The following RAPGEF6 variants were observed in gnomAD, a reference collection of about 807,000 sequenced individuals.
RAPGEF6 encodes the protein PDZ domain containing guanine nucleotide exchange factor (GEF) 2.
In RAPGEF6, 56 loss-of-function variants were observed where a neutral mutation model predicts 171.4. The observed-to-expected ratio is 0.33, with a 90% confidence interval of 0.26 to 0.41. RAPGEF6 has a LOEUF of 0.41. Ranked by LOEUF, RAPGEF6 falls within the 10% of genes least tolerant of loss-of-function variation. RAPGEF6 has a pLI of 1.00. For synonymous variants in RAPGEF6, 692 were observed against 650.1 expected (o/e 1.06, Z -0.98); for missense variants, 1,674 against 1,921.4 (o/e 0.87, Z 2.41).
At chr5:131,520,274 T>G (rs1391435912) in intron 7 of RAPGEF6, among the ~76,000 whole-genome samples, 1 of 152,196 alleles carries the variant, frequency 6.6e-6, no homozygotes, top group Non-Finnish European at 1.5e-5. Flanking sequence ...TATGTGGTTA[T>G]TAGGCACTTA....
chr5:131,572,490 C>CT (rs1252912855), intron 4 of RAPGEF6, among the ~76,000 whole-genome samples: 8 of 152,170 alleles, frequency 5.3e-5, no homozygotes, highest in African/African-American at 1.9e-4. Flanking sequence ...GAAGACACAT[C>CT]TTCCCTTGGT....
chr5:131,570,391 T>C (rs1762205418), intron 4 of RAPGEF6, among the ~76,000 whole-genome samples: 1 of 152,148 alleles, frequency 6.6e-6, no homozygotes, highest in Non-Finnish European at 1.5e-5. Flanking sequence ...TTATAAACAA[T>C]TTGGTCTTTT....
intron 21 of RAPGEF6, 65 bp from the exon 22 acceptor site, chr5:131,446,768 G>C: frequency 2.8e-6 from 4 of 1,411,362 alleles, no homozygotes; most frequent in Non-Finnish European, 3.9e-6. Context: ...GCAGATTGAA[G>C]ATTAAAAGAT....
intron 20 of RAPGEF6, among the ~76,000 whole-genome samples, chr5:131,454,959 T>C (rs530765074): frequency 6.6e-6 from 1 of 152,192 alleles, no homozygotes; most frequent in Non-Finnish European, 1.5e-5. Context: ...TTGAAGAAGA[T>C]AGCTGCCAAC....
intron 6 of RAPGEF6, among the ~76,000 whole-genome samples, chr5:131,527,272 C>T (rs1758934071): frequency 6.6e-6 from 1 of 151,656 alleles, no homozygotes; most frequent in South Asian, 2.1e-4. Flanking sequence ...TAGGTCACAA[C>T]AGCAGGAAAA....
intron 4 of RAPGEF6, among the ~76,000 whole-genome samples, chr5:131,580,263 G>A (rs889114525): frequency 2.0e-5 from 3 of 152,186 alleles, no homozygotes; most frequent in African/African-American, 2.4e-5. Flanking sequence ...CTCCTCCACA[G>A]CTGCCGGCAC....
chr5:131,588,774 A>G (rs756664274), intron 4 of RAPGEF6, among the ~76,000 whole-genome samples: 1 of 151,118 alleles, frequency 6.6e-6, no homozygotes, highest in Non-Finnish European at 1.5e-5. Context: ...CAAAAACAAT[A>G]AAGATTAATG....
chr5:131,464,322 A>C, intron 17 of RAPGEF6, 41 bp from the exon 18 acceptor site: 3 of 1,558,520 alleles, frequency 1.9e-6, no homozygotes, highest in Non-Finnish European at 2.6e-6. Flanking sequence ...TTTTTAAAAA[A>C]ATCACTTTTA....
chr5:131,466,545 G>C (rs1472907582), intron 17 of RAPGEF6, among the ~76,000 whole-genome samples: 1 of 152,090 alleles, frequency 6.6e-6, no homozygotes, highest in South Asian at 2.1e-4. Context: ...TGAATCATGG[G>C]GGTGAGTCTT....
intron 3 of RAPGEF6, among the ~76,000 whole-genome samples, chr5:131,601,385 CA>C (rs758602740): frequency 6.2e-3 from 339 of 54,296 alleles, no homozygotes; most frequent in East Asian, 0.041. Context: ...GACTCCGTCT[CA>C]AAAAAAAAAA....
chr5:131,448,396 G>T (rs1580837840), intron 21 of RAPGEF6, among the ~76,000 whole-genome samples: 1 of 152,086 alleles, frequency 6.6e-6, no homozygotes, highest in East Asian at 1.9e-4. Flanking sequence ...GTCCATAAGA[G>T]CTCCTTCAAT....
intron 24 of RAPGEF6, chr5:131,436,342 C>T (rs1266003268): frequency 1.3e-6 from 2 of 1,537,566 alleles, no homozygotes; most frequent in African/African-American, 1.4e-5. Context: ...GCAGCTCTGG[C>T]CACTGATCTT....
intron 22 of RAPGEF6, among the ~76,000 whole-genome samples, chr5:131,444,251 A>G (rs1752553647): frequency 6.6e-6 from 1 of 152,238 alleles, no homozygotes; most frequent in South Asian, 2.1e-4. Context: ...GTTCAAATAC[A>G]GGGACCCCAA....
chr5:131,488,825 TTTG>T (rs1426864880), intron 15 of RAPGEF6, among the ~76,000 whole-genome samples: 1 of 152,232 alleles, frequency 6.6e-6, no homozygotes, highest in Admixed American at 6.5e-5. Context: ...TTAAAGTTTC[TTTG>T]TTATTTCAAT....
chr5:131,617,516 G>A (rs879638584), intron 1 of RAPGEF6, among the ~76,000 whole-genome samples: 8 of 152,106 alleles, frequency 5.3e-5, no homozygotes, highest in African/African-American at 9.7e-5. Flanking sequence ...GTAGTGTTAC[G>A]ATCTCAGCCC....
At chr5:131,447,436 G>A (rs1433777986) in intron 21 of RAPGEF6, 2 of 151,656 alleles carry the variant, frequency 1.3e-5, no homozygotes, top group African/African-American at 4.8e-5. Flanking sequence ...AAGCTGGGTG[G>A]AAATAACCAC....
chr5:131,492,729 C>T lies in RAPGEF6; in HGVS notation c.1584G>A (p.Trp528Ter). The change falls in exon 14 of 28, where the codon TGG (tryptophan) becomes TGA (stop). Residue 528 changes from tryptophan to a stop codon, truncating the protein, a stop_gained. Transcript: ENST00000509018. LOFTEE classifies it high-confidence loss of function. ...LNIACAAKAK[W>*]RQVVLQKASR... ...AAGCCTTTTGCAGCACAACCTGTCT[C>T]CACTTAGCCTTTGCAGCACAGGCAA... The T allele has an allele frequency of 6.2e-7, 1 of 1,614,086 alleles. No individual in the cohort carries two copies. The highest frequency in any genetic ancestry group is 8.5e-7 in the Non-Finnish European group (1 of 1,179,960).
chr5:131,521,457 G>C lies in RAPGEF6; in HGVS notation c.560C>G (p.Ser187Cys). ...ENPHPQVTHV[S>C]SSQSGCSIAS... is the part of the protein sequence containing the mutation. Reference sequence around the variant, plus strand: ...AATGCTACAACCAGACTGACTAGAAGACACATGAGTCACCTGTGGATGAGG... The same window carrying C: ...AATGCTACAACCAGACTGACTAGAACACACATGAGTCACCTGTGGATGAGG... The change falls in exon 7 of 28, where the codon TCT becomes TGT. Residue 187 changes from serine to cysteine, a missense_variant. This residue lies in a region of RAPGEF6 where 1,116 missense variants were observed against 1,321.5 expected (regional missense o/e 0.84). Transcript: ENST00000509018. 6.2e-7 allele frequency: 1 copy of C among 1,612,458 alleles called. No homozygotes were observed. The highest frequency in any genetic ancestry group is 8.5e-7 in the Non-Finnish European group (1 of 1,179,008).
intron 4 of RAPGEF6, among the ~76,000 whole-genome samples, chr5:131,574,288 A>G (rs951492988): frequency 3.3e-5 from 5 of 151,884 alleles, no homozygotes; most frequent in East Asian, 1.9e-4. Flanking sequence ...CTCAAACCCA[A>G]TGTTCCTTGG....
Sources: allele counts gnomAD v4.1 joint callset (sites outside exome capture counted in the v4.1 genomes callset), GRCh38; gene constraint gnomAD v4.1.1; regional missense constraint gnomAD v4.1.1; transcripts MANE v1.5; gene names NCBI Gene and HGNC (gene_info 2026-07-23, HGNC 2026-07-21).